Variants in TTC39C observed in about 807,000 individuals in gnomAD.
The protein encoded by TTC39C is tetratricopeptide repeat domain 39C, also known as tetratricopeptide repeat protein 39C.
TTC39C carries 33 observed loss-of-function variants against 76.3 expected under a neutral mutation model. The observed-to-expected ratio is 0.43, with a 90% confidence interval of 0.33 to 0.58. The LOEUF (loss-of-function observed/expected upper bound fraction) is 0.58, where lower values mean the gene tolerates loss of function less well. Ranked by LOEUF, TTC39C falls within the 20% of genes least tolerant of loss-of-function variation. The pLI is 0.04. For synonymous variants in TTC39C, 254 were observed against 260.6 expected, an observed-to-expected ratio of 0.97 and a Z score of 0.24; for missense variants, 595 against 701.4, an observed-to-expected ratio of 0.85 and a Z score of 1.71.
intron 6 of TTC39C, among the ~76,000 whole-genome samples, chr18:24,110,556 C>T (rs1406570828): frequency 6.6e-6 from 1 of 152,076 alleles, no homozygotes; most frequent in African/African-American, 2.4e-5. Flanking sequence ...AATCAACTTG[C>T]CAAAATCCAG....
chr18:24,099,258 T>G (rs2084647497), intron 6 of TTC39C: 1 of 151,722 alleles, frequency 6.6e-6, no homozygotes, highest in Non-Finnish European at 1.5e-5. Flanking sequence ...GCCAGAAGAT[T>G]GGGTGTCTAG....
At chr18:24,106,180 A>G (rs146467703) in intron 6 of TTC39C, among the ~76,000 whole-genome samples, 1 of 152,254 alleles carries the variant, frequency 6.6e-6, no homozygotes, top group Non-Finnish European at 1.5e-5. Flanking sequence ...ATTTGGAGGG[A>G]CACAATTCAA....
chr18:24,105,994 G>T (rs1032453839), intron 6 of TTC39C, among the ~76,000 whole-genome samples: 1 of 152,098 alleles, frequency 6.6e-6, no homozygotes, highest in East Asian at 1.9e-4. Context: ...CTCCGCCTCC[G>T]CATGGTGTTC....
At chr18:24,098,951 C>T (rs144060259) in intron 6 of TTC39C, among the ~76,000 whole-genome samples, 106 of 149,278 alleles carry the variant, frequency 7.1e-4, no homozygotes, top group African/African-American at 2.3e-3. Context: ...TTTTTTTAAT[C>T]GAGTGTTTTT....
intron 13 of TTC39C, 32 bp from the exon 14 acceptor site, chr18:24,132,453 G>C (rs1010774795): frequency 6.3e-7 from 1 of 1,597,636 alleles, no homozygotes; most frequent in Non-Finnish European, 8.6e-7. Context: ...TTAGCTAACA[G>C]AGTGCATAAA....
intron 6 of TTC39C, among the ~76,000 whole-genome samples, chr18:24,087,078 G>A (rs1217533984): frequency 6.6e-6 from 1 of 152,128 alleles, no homozygotes; most frequent in Non-Finnish European, 1.5e-5. Context: ...TGCAAACAAT[G>A]TTTGGGAGGC....
At chr18:24,029,173 G>A (rs2083637712) in intron 1 of TTC39C, among the ~76,000 whole-genome samples, 1 of 152,068 alleles carries the variant, frequency 6.6e-6, no homozygotes, top group Non-Finnish European at 1.5e-5. Flanking sequence ...TGCGATCTCA[G>A]CTCAGTGCAA....
At chr18:24,068,858 G>C (rs1183819344) in intron 3 of TTC39C, among the ~76,000 whole-genome samples, 1 of 152,114 alleles carries the variant, frequency 6.6e-6, no homozygotes, top group Admixed American at 6.5e-5. Flanking sequence ...CATATTGTTT[G>C]TTTTTAAAAA....
intron 4 of TTC39C, among the ~76,000 whole-genome samples, chr18:24,075,428 G>C (rs1301178920): frequency 1.3e-5 from 2 of 152,034 alleles, no homozygotes; most frequent in Non-Finnish European, 2.9e-5. Context: ...GTGCACGGTG[G>C]CTCCTAGCAC....
chr18:24,014,943 G>C lies in TTC39C; in HGVS notation c.72G>C (p.Ala24=). ...DGDSDAAAAA[A]APLQDAELAL... is the part of the protein sequence containing the mutation. ...ACTCGGACGCGGCAGCGGCGGCGGCGGCGCCCCTGCAGGACGCGGAGCTGG... is the reference window on the plus strand; with the variant it reads ...ACTCGGACGCGGCAGCGGCGGCGGCCGCGCCCCTGCAGGACGCGGAGCTGG... The change falls in exon 1 of 14, where the codon GCG becomes GCC. Residue 24 remains alanine, a synonymous_variant. Coordinates refer to ENST00000317571, the MANE Select transcript of TTC39C (RefSeq NM_001135993.2). The C allele has an allele frequency of 6.6e-7, 1 of 1,525,396 alleles. No individual in the cohort carries two copies. The highest frequency in any genetic ancestry group is 1.7e-4 in the Middle Eastern group (1 of 5,912). The allele number at this position is 1,525,396 out of a possible 1,614,324, so 94.5% of individuals were successfully genotyped here. A position where few individuals can be genotyped will look rare whatever the true frequency, so the allele number is the denominator to read the frequency against.
chr18:24,101,877 T>G (rs2084680443), intron 6 of TTC39C, among the ~76,000 whole-genome samples: 1 of 152,246 alleles, frequency 6.6e-6, no homozygotes, highest in Non-Finnish European at 1.5e-5. Context: ...CATCTTAACA[T>G]AAGCACATTT....
At chr18:24,101,331 G>A (rs2084671401) in intron 6 of TTC39C, among the ~76,000 whole-genome samples, 1 of 150,268 alleles carries the variant, frequency 6.7e-6, no homozygotes, top group African/African-American at 2.5e-5. Context: ...AAACTGGCTG[G>A]GCACTGTGGC....
At chr18:24,044,161 CGGGG>C (rs2083834224) in intron 1 of TTC39C, among the ~76,000 whole-genome samples, 1 of 151,874 alleles carries the variant, frequency 6.6e-6, no homozygotes, top group Non-Finnish European at 1.5e-5. Context: ...GTACACAGCA[CGGGG>C]GCAGGTTACA....
chr18:24,113,611 A>G (rs1300161553), intron 6 of TTC39C: 3 of 702,250 alleles, frequency 4.3e-6, no homozygotes, highest in Non-Finnish European at 7.8e-6. Context: ...AAATGCATGC[A>G]CCGTTCAGAA....
chr18:24,031,267 A>C (rs1896860), intron 1 of TTC39C, among the ~76,000 whole-genome samples: 33,951 of 152,002 alleles, frequency 0.22, 4,481 homozygotes, highest in East Asian at 0.59. Context: ...CTCCGAGGAT[A>C]AGTCTTTTAC....
At chr18:24,112,941 C>T (rs182101277) in intron 6 of TTC39C, among the ~76,000 whole-genome samples, 4 of 152,092 alleles carry the variant, frequency 2.6e-5, no homozygotes, top group Admixed American at 6.5e-5. Flanking sequence ...CACATTCCTG[C>T]GCCATAAAGG....
intron 3 of TTC39C, among the ~76,000 whole-genome samples, chr18:24,068,601 A>G (rs12961041): frequency 0.57 from 86,396 of 152,148 alleles, 28,567 homozygotes; most frequent in Non-Finnish European, 0.73. Flanking sequence ...GCATATTTGT[A>G]TTTATATGAC....
intron 6 of TTC39C, among the ~76,000 whole-genome samples, chr18:24,091,915 C>T (rs2084521829): frequency 6.6e-6 from 1 of 151,410 alleles, no homozygotes; most frequent in Admixed American, 6.6e-5. Flanking sequence ...TGATGAAACC[C>T]TGTCTCTACT....
intron 1 of TTC39C, among the ~76,000 whole-genome samples, chr18:24,050,310 C>G (rs1344849860): frequency 6.6e-6 from 1 of 152,178 alleles, no homozygotes; most frequent in Non-Finnish European, 1.5e-5. Flanking sequence ...TGGCTCATGC[C>G]TGTAATCCCA....
Sources: gnomAD v4.1 joint callset for allele counts (sites outside exome capture counted in the v4.1 genomes callset) on GRCh38, gnomAD v4.1.1 for gene constraint, MANE v1.5 for transcripts, NCBI Gene and HGNC (gene_info 2026-07-23, HGNC 2026-07-21) for gene names.